Variants in BPTF observed in about 807,000 individuals in gnomAD.
The protein encoded by BPTF is bromodomain PHD finger transcription factor.
A neutral mutation model predicts 292.5 loss-of-function variants in BPTF; 18 were observed. That is an observed-to-expected ratio of 0.06 (90% CI 0.04 to 0.09). The LOEUF (loss-of-function observed/expected upper bound fraction) is 0.09. BPTF is among the 10% of genes least tolerant of loss of function. BPTF has a pLI of 1.00. For synonymous variants in BPTF, 1,225 were observed against 1,251.9 expected (o/e 0.98, Z 0.45); for missense variants, 2,726 against 3,498.7 (o/e 0.78, Z 5.57).
At chr17:67,876,616 A>G (rs1244349565) in intron 4 of BPTF, among the ~76,000 whole-genome samples, 4 of 152,046 alleles carry the variant, frequency 2.6e-5, no homozygotes, top group Non-Finnish European at 4.4e-5. Flanking sequence ...GACCAGCCTG[A>G]CCAACATGTT....
At chr17:67,852,779 A>G (rs2058487062) in intron 1 of BPTF, among the ~76,000 whole-genome samples, 1 of 152,260 alleles carries the variant, frequency 6.6e-6, no homozygotes, top group South Asian at 2.1e-4. Flanking sequence ...AGGGACATAC[A>G]TTCAGATAGA....
chr17:67,898,942 A>AT (rs55691924), intron 7 of BPTF, among the ~76,000 whole-genome samples: 63 of 151,224 alleles, frequency 4.2e-4, no homozygotes, highest in African/African-American at 1.2e-3. Context: ...AAAAAAAAAA[A>AT]TTTCTAAAAG....
At chr17:67,841,500 A>G (rs2057555575) in intron 1 of BPTF, among the ~76,000 whole-genome samples, 1 of 152,092 alleles carries the variant, frequency 6.6e-6, no homozygotes, top group South Asian at 2.1e-4. Context: ...TTTTTTGACT[A>G]GTGATAGAAT....
At chr17:67,966,478 C>A in intron 25 of BPTF, 94 bp from the exon 26 acceptor site, 1 of 1,095,564 alleles carries the variant, frequency 9.1e-7, no homozygotes, top group Non-Finnish European at 1.4e-6. Context: ...ATTTAAAACT[C>A]ACTTTTGGGT....
intron 18 of BPTF, among the ~76,000 whole-genome samples, chr17:67,932,669 C>T (rs1356988034): frequency 1.3e-5 from 2 of 152,022 alleles, no homozygotes; most frequent in African/African-American, 4.8e-5. Flanking sequence ...CCACTGCACT[C>T]CAGCTTGGGC....
At chr17:67,915,377 G>C (rs1244621828) in intron 11 of BPTF, among the ~76,000 whole-genome samples, 2 of 152,152 alleles carry the variant, frequency 1.3e-5, no homozygotes, top group Non-Finnish European at 2.9e-5. Flanking sequence ...GCAAGGAGCG[G>C]GGAAAGCATT....
chr17:67,937,490 G>A (rs1202598644), intron 18 of BPTF, among the ~76,000 whole-genome samples: 1 of 152,166 alleles, frequency 6.6e-6, no homozygotes, highest in Non-Finnish European at 1.5e-5. Context: ...TTTTAGGAAG[G>A]ATGGCCTGAG....
chr17:67,874,727 C>T, intron 3 of BPTF, 90 bp from the exon 4 acceptor site: 2 of 809,810 alleles, frequency 2.5e-6, no homozygotes, highest in South Asian at 3.5e-5. Context: ...TCTTTAATAG[C>T]TTGTATTGAA....
intron 9 of BPTF, among the ~76,000 whole-genome samples, chr17:67,905,489 T>C (rs1012623216): frequency 1.3e-5 from 2 of 152,100 alleles, no homozygotes; most frequent in African/African-American, 4.8e-5. Flanking sequence ...GGAGGATCAC[T>C]TGAGGCCAGG....
At chr17:67,967,938 G>A (rs2068311152) in intron 26 of BPTF, among the ~76,000 whole-genome samples, 1 of 151,358 alleles carries the variant, frequency 6.6e-6, no homozygotes, top group Non-Finnish European at 1.5e-5. Flanking sequence ...TTAATGAATG[G>A]GTTGGGGTCT....
chr17:67,898,029 C>T (rs1411456730), intron 7 of BPTF, among the ~76,000 whole-genome samples: 1 of 152,164 alleles, frequency 6.6e-6, no homozygotes, highest in African/African-American at 2.4e-5. Flanking sequence ...TCACCTTAGA[C>T]ACCAATCTCC....
chr17:67,889,909 G>T (rs929305414), intron 4 of BPTF, among the ~76,000 whole-genome samples: 9 of 152,102 alleles, frequency 5.9e-5, no homozygotes, highest in Non-Finnish European at 8.8e-5. Context: ...TTGCTTTCCA[G>T]CCTGGGGTGG....
intron 23 of BPTF, chr17:67,956,683 G>A (rs1201725923): frequency 6.7e-6 from 1 of 149,720 alleles, no homozygotes; most frequent in African/African-American, 2.4e-5. Flanking sequence ...AAAAAAAACG[G>A]TCAGGCACAG....
In BPTF at chr17:67,913,662, T is replaced by C. The variant is rs117522913; in HGVS notation, c.5303+475T>C. ...TGTAGCTTAGTTGCATGATAAACAT[T>C]TGTTTTGGAGTTCTCTGTTATTTAT... On this transcript the variant is annotated intron_variant, in intron 11 of 27. Coordinates refer to ENST00000306378, the MANE Select transcript of BPTF (RefSeq NM_182641.4). 5.1e-3 allele frequency among the ~76,000 whole-genome samples: 776 copies of C among 152,318 alleles called. 8 individuals are homozygous for C. The highest frequency in any genetic ancestry group is 5.5e-3 in the Non-Finnish European group (374 of 68,020).
chr17:67,940,266 C>G (rs911775170), intron 18 of BPTF, among the ~76,000 whole-genome samples, 173 bp from the exon 19 acceptor site: 5 of 152,196 alleles, frequency 3.3e-5, no homozygotes, highest in Non-Finnish European at 4.4e-5. Context: ...TCACTGCCAA[C>G]CAGGCAGGAC....
Position 67,854,490 on chromosome 17 carries a change from G to A in BPTF, c.1164G>A (p.Gln388=), listed in dbSNP as rs1346530096. The change falls in exon 2 of 28, where the codon CAG becomes CAA. Residue 388 remains glutamine (Q), a synonymous_variant. Transcript: ENST00000306378. The surrounding 1 kb of genome is among the most constrained non-coding windows in gnomAD (Gnocchi z 5.6). ...AATTGATGTCTGAAGGGGTGATACA[G>A]TATGATGACCATTGTAGGGTTTGTC... ...REELMSEGVI[Q]YDDHCRVCHK... 1.9e-6 allele frequency: 3 copies of A among 1,614,080 alleles called. No individual in the cohort carries two copies. Among genetic ancestry groups the A allele is most frequent in the Non-Finnish European group, 2.5e-6 (3 of 1,180,044 alleles).
chr17:67,846,643 T>C (rs1218666389), intron 1 of BPTF, among the ~76,000 whole-genome samples: 2 of 152,122 alleles, frequency 1.3e-5, no homozygotes, highest in Non-Finnish European at 2.9e-5. Flanking sequence ...AGTCAGGTGG[T>C]TTTTAACAAT....
intron 11 of BPTF, among the ~76,000 whole-genome samples, chr17:67,914,048 C>A (rs964113035): frequency 5.3e-5 from 8 of 152,158 alleles, no homozygotes; most frequent in Non-Finnish European, 1.2e-4. Context: ...AACATAAACA[C>A]TGAAAACATG....
At chr17:67,976,853 T>C (rs1555694261) in intron 27 of BPTF, among the ~76,000 whole-genome samples, 17 of 151,992 alleles carry the variant, frequency 1.1e-4, no homozygotes. Context: ...AGTGAATAAA[T>C]TAAAGCCCCT....
Sources: allele counts gnomAD v4.1 joint callset (sites outside exome capture counted in the v4.1 genomes callset), GRCh38; gene constraint gnomAD v4.1.1; non-coding constraint Gnocchi (gnomAD v3.1); transcripts MANE v1.5; gene names NCBI Gene and HGNC (gene_info 2026-07-23, HGNC 2026-07-21).